Variants in HCN1 observed in about 807,000 individuals in gnomAD.
HCN1 encodes the protein hyperpolarization activated cyclic nucleotide gated potassium channel 1.
HCN1 carries 13 observed loss-of-function variants against 78.9 expected under a neutral mutation model. The observed-to-expected ratio is 0.16, with a 90% CI of 0.11 to 0.26. The LOEUF is 0.26. Ranked by LOEUF, HCN1 falls within the 10% of genes least tolerant of loss-of-function variation. HCN1 has a pLI of 1.00. For missense variants in HCN1, 810 were observed against 1,154.3 expected (o/e 0.70, Z 4.32); for synonymous variants, 552 against 455.5 (o/e 1.21, Z -2.70).
rs895160243 is a variant in HCN1 at position 45,255,428 on chromosome 5, C to T, written c.*6493G>A. 6.6e-6 allele frequency: 1 copy of T among 152,090 alleles called. No individual in the cohort carries two copies. Among genetic ancestry groups the T allele is most frequent in the Non-Finnish European group, 1.5e-5 (1 of 68,028 alleles). 9.4% of individuals were successfully genotyped at this position (152,090 alleles called of 1,614,324 possible). A position where few individuals can be genotyped will look rare whatever the true frequency, so the allele number is the denominator to read the frequency against. On this transcript the variant is annotated 3_prime_UTR_variant, in exon 8 of 8. Transcript: ENST00000303230. ...CATATGAATCATCTGGGGATCTTGCCCAAAAGCGGACTTCTGTAGGTACAG... is the reference window on the plus strand; with the variant it reads ...CATATGAATCATCTGGGGATCTTGCTCAAAAGCGGACTTCTGTAGGTACAG...
chr5:45,652,043 T>A (rs1040286189), intron 1 of HCN1, among the ~76,000 whole-genome samples: 2 of 151,948 alleles, frequency 1.3e-5, no homozygotes, highest in Non-Finnish European at 2.9e-5. Flanking sequence ...AATGAGAATA[T>A]GAGATGGGTG....
At chr5:45,655,887 A>T (rs771390173) in intron 1 of HCN1, among the ~76,000 whole-genome samples, 1 of 152,178 alleles carries the variant, frequency 6.6e-6, no homozygotes, top group Non-Finnish European at 1.5e-5. Flanking sequence ...TAAATGCAAA[A>T]AAACACTTGG....
rs1035147010 is a variant in HCN1 at position 45,256,428 on chromosome 5, A to G, written c.*5493T>C. ...TTGGGAGTAAATGGCCATTGATGTTACATTAGAAATATAATAGCTCCAAAG... is the reference window on the plus strand; with the variant it reads ...TTGGGAGTAAATGGCCATTGATGTTGCATTAGAAATATAATAGCTCCAAAG... On this transcript the variant is annotated 3_prime_UTR_variant, in exon 8 of 8. Transcript: ENST00000303230. 2.0e-5 allele frequency: 3 copies of G among 151,596 alleles called. No individual in the cohort carries two copies. The highest frequency in any genetic ancestry group is 7.3e-5 in the African/African-American group (3 of 41,276). 9.4% of individuals were successfully genotyped at this position (151,596 alleles called of 1,614,324 possible).
At chr5:45,306,824 T>C (rs996127607) in intron 5 of HCN1, among the ~76,000 whole-genome samples, 1 of 152,102 alleles carries the variant, frequency 6.6e-6, no homozygotes, top group African/African-American at 2.4e-5. Flanking sequence ...TTAGGAGTAT[T>C]ATCTATGTGC....
At chr5:45,484,433 T>A (rs888650953) in intron 2 of HCN1, among the ~76,000 whole-genome samples, 2 of 147,818 alleles carry the variant, frequency 1.4e-5, no homozygotes, top group Non-Finnish European at 3.0e-5. Context: ...GACGCCATCT[T>A]AAAAAAAAAA....
At chr5:45,606,931 G>C (rs1023886735) in intron 2 of HCN1, among the ~76,000 whole-genome samples, 7 of 151,762 alleles carry the variant, frequency 4.6e-5, no homozygotes, top group African/African-American at 1.7e-4. Flanking sequence ...AATCTTTAAG[G>C]CTCACATTAG....
intron 4 of HCN1, among the ~76,000 whole-genome samples, chr5:45,371,625 C>T (rs114706051): frequency 1.4e-3 from 218 of 150,526 alleles, no homozygotes; most frequent in African/African-American, 4.0e-3. Context: ...GGCTTGGGGG[C>T]GGTCGCCTGT....
rs72762078 is a variant in HCN1 at position 45,580,461 on chromosome 5, C to A, written c.849+64724G>T. On this transcript the variant is annotated intron_variant, in intron 2 of 7. Transcript: ENST00000303230. ...GATTACAGAAAAAAATGCAGCCTAC[C>A]TACATCTTGATTTAACTCAGTGAGA... 9.2e-3 allele frequency among the ~76,000 whole-genome samples: 1,399 copies of A among 152,146 alleles called. 13 individuals are homozygous for A. The highest frequency in any genetic ancestry group is 0.039 in the South Asian group (189 of 4,820).
At chr5:45,265,171 C>T (rs1020354896) in intron 7 of HCN1, among the ~76,000 whole-genome samples, 4 of 148,578 alleles carry the variant, frequency 2.7e-5, no homozygotes, top group African/African-American at 7.5e-5. Context: ...GCCTGGGCAA[C>T]AGAGCAAGAT....
chr5:45,562,776 A>T (rs1743631341), intron 2 of HCN1, among the ~76,000 whole-genome samples: 1 of 151,998 alleles, frequency 6.6e-6, no homozygotes, highest in Non-Finnish European at 1.5e-5. Context: ...TTGCTTAACA[A>T]ATGTACGCAA....
chr5:45,639,166 GGA>G (rs1745409389), intron 2 of HCN1, among the ~76,000 whole-genome samples: 1 of 151,826 alleles, frequency 6.6e-6, no homozygotes, highest in South Asian at 2.1e-4. Flanking sequence ...GATGATTCTA[GGA>G]GAGTGTAAAT....
chr5:45,440,340 G>C (rs1370821892), intron 3 of HCN1, among the ~76,000 whole-genome samples: 1 of 152,068 alleles, frequency 6.6e-6, no homozygotes, highest in Non-Finnish European at 1.5e-5. Context: ...AGAAATATTT[G>C]TTGACTGACA....
Position 45,320,895 on chromosome 5 carries a change from T to C in HCN1, c.1378-17056A>G, listed in dbSNP as rs764342484. On this transcript the variant is annotated intron_variant, in intron 5 of 7. Coordinates refer to ENST00000303230, the MANE Select transcript of HCN1 (RefSeq NM_021072.4). ...GTCACAGTTTTTAAAACACCGTCTGTATTTAACATCTCTACTTTCTACAAT... is the reference window on the plus strand; with the variant it reads ...GTCACAGTTTTTAAAACACCGTCTGCATTTAACATCTCTACTTTCTACAAT... 1.4e-4 allele frequency among the ~76,000 whole-genome samples: 22 copies of C among 151,968 alleles called. 1 individual carries two copies. The East Asian group carries it at 2.7e-3, about 19-fold the overall frequency.
In HCN1 at chr5:45,403,394, G is replaced by C. The variant is rs191236618; in HGVS notation, c.1012-6684C>G. Among the ~76,000 whole-genome samples, 14 of 152,294 alleles carry C rather than the reference G, an allele frequency of 9.2e-5. No individual in the cohort carries two copies. The East Asian group carries it at 2.7e-3, about 29-fold the overall frequency. The stretch of plus-strand genomic sequence containing the variant: ...GAGACTAGGTAATTTATAAAGGAAA[G>C]TGGTTTAATTGACTCAGTTCAGCAT... On this transcript the variant is annotated intron_variant, in intron 3 of 7. Transcript: ENST00000303230.
At chr5:45,672,791 C>T (rs116971189) in intron 1 of HCN1, among the ~76,000 whole-genome samples, 7 of 151,300 alleles carry the variant, frequency 4.6e-5, no homozygotes, top group South Asian at 2.1e-4. Flanking sequence ...CTGAGTCTTT[C>T]GCTGCTAAAA....
intron 2 of HCN1, among the ~76,000 whole-genome samples, chr5:45,605,856 A>C (rs568050263): frequency 2.4e-4 from 37 of 152,192 alleles, no homozygotes; most frequent in Middle Eastern, 3.4e-3. Flanking sequence ...TTAAAAAATA[A>C]GTTTGAAAAG....
At chr5:45,490,324 G>C (rs1367866079) in intron 2 of HCN1, among the ~76,000 whole-genome samples, 1 of 152,068 alleles carries the variant, frequency 6.6e-6, no homozygotes, top group African/African-American at 2.4e-5. Context: ...TGATAGATTC[G>C]CTATAAATTT....
intron 2 of HCN1, among the ~76,000 whole-genome samples, chr5:45,562,352 C>T (rs1336935437): frequency 6.6e-6 from 1 of 152,012 alleles, no homozygotes; most frequent in Non-Finnish European, 1.5e-5. Context: ...AGAAAAAACC[C>T]TAGAAAAATC....
At position 45,323,035 on chromosome 5, in the gene HCN1, C is replaced by T. The variant is rs188013324; in HGVS notation, c.1378-19196G>A. On this transcript the variant is annotated intron_variant, in intron 5 of 7. Coordinates refer to ENST00000303230, the MANE Select transcript of HCN1 (RefSeq NM_021072.4). ...TTTATTTAACGTTAACCCATTTAAG[C>T]TTAAAGTTAAAAACTGATACAGTTC... Among the ~76,000 whole-genome samples, 101 of 151,884 alleles carry T rather than the reference C, an allele frequency of 6.6e-4. 1 individual carries two copies. In the East Asian group the frequency reaches 0.012, roughly 18 times the overall value.
Sources: gnomAD v4.1 joint callset for allele counts (sites outside exome capture counted in the v4.1 genomes callset) on GRCh38, gnomAD v4.1.1 for gene constraint, MANE v1.5 for transcripts, NCBI Gene and HGNC (gene_info 2026-07-23, HGNC 2026-07-21) for gene names.